Variants in TENM2 observed in about 807,000 individuals in gnomAD.
TENM2 encodes teneurin transmembrane protein 2.
TENM2 carries 52 observed loss-of-function variants against 245.2 expected under a neutral mutation model. The observed-to-expected ratio is 0.21, with a 90% CI of 0.17 to 0.27. The LOEUF (loss-of-function observed/expected upper bound fraction) is 0.27. Ranked by LOEUF, TENM2 falls within the 10% of genes least tolerant of loss-of-function variation. TENM2 has a pLI of 1.00. For missense variants in TENM2, 3,046 were observed against 3,666.8 expected (o/e 0.83, Z 4.37); for synonymous variants, 1,363 against 1,438.9 (o/e 0.95, Z 1.19).
At chr5:167,422,089 C>T (rs909246874) in intron 2 of TENM2, among the ~76,000 whole-genome samples, 6 of 152,050 alleles carry the variant, frequency 3.9e-5, no homozygotes, top group South Asian at 4.1e-4. Flanking sequence ...CATTCCCGGC[C>T]GGTAGTATTC....
At chr5:167,404,721 A>G (rs960282579) in intron 2 of TENM2, among the ~76,000 whole-genome samples, 5 of 152,150 alleles carry the variant, frequency 3.3e-5, no homozygotes, top group African/African-American at 1.2e-4. Flanking sequence ...CTGCTTCTTC[A>G]TGCCCTGCTC....
At chr5:167,330,848 G>A (rs1757418598) in intron 1 of TENM2, among the ~76,000 whole-genome samples, 2 of 152,108 alleles carry the variant, frequency 1.3e-5, no homozygotes, top group South Asian at 2.1e-4. Context: ...TGAGGACAGG[G>A]AGTACGTTTC....
chr5:167,572,549 C>T (rs1774341198), intron 2 of TENM2, among the ~76,000 whole-genome samples: 1 of 152,118 alleles, frequency 6.6e-6, no homozygotes, highest in Admixed American at 6.6e-5. Flanking sequence ...CTCTGCTTAC[C>T]ATGAAAGGTA....
chr5:167,172,130 C>A, the TENM2 span, among the ~76,000 whole-genome samples: 1 of 152,134 alleles, frequency 6.6e-6, no homozygotes, highest in East Asian at 1.9e-4. Context: ...AAGTGTTTCA[C>A]AACCAGTGTG....
chr5:168,031,589 G>A (rs1013015298), intron 5 of TENM2, among the ~76,000 whole-genome samples: 1 of 151,976 alleles, frequency 6.6e-6, no homozygotes, highest in Non-Finnish European at 1.5e-5. Context: ...AGGAAAATGA[G>A]GGTCTGGGAG....
intron 9 of TENM2, among the ~76,000 whole-genome samples, chr5:168,113,906 A>G (rs1282271283): frequency 6.6e-6 from 1 of 152,232 alleles, no homozygotes; most frequent in African/African-American, 2.4e-5. Context: ...ATGCGGAGAC[A>G]GAAAACGCTC....
the TENM2 span, among the ~76,000 whole-genome samples, chr5:167,165,974 C>A: frequency 6.6e-6 from 1 of 152,086 alleles, no homozygotes; most frequent in South Asian, 2.1e-4. Context: ...GCTGCAAAAT[C>A]CTGAAAAAGT....
intron 2 of TENM2, among the ~76,000 whole-genome samples, chr5:167,675,501 G>C (rs115331208): frequency 1.3e-5 from 2 of 152,040 alleles, no homozygotes; most frequent in Non-Finnish European, 2.9e-5. Flanking sequence ...CTATGTTCAC[G>C]TGTCACCAGG....
At chr5:167,926,682 AC>A (rs1350023452) in intron 3 of TENM2, among the ~76,000 whole-genome samples, 1 of 151,354 alleles carries the variant, frequency 6.6e-6, no homozygotes, top group Non-Finnish European at 1.5e-5. Flanking sequence ...GATCACTGCC[AC>A]TGCACTTCAG....
chr5:167,942,134 G>A (rs1257707969), intron 3 of TENM2, among the ~76,000 whole-genome samples: 2 of 152,004 alleles, frequency 1.3e-5, no homozygotes, highest in African/African-American at 2.4e-5. Flanking sequence ...CATGAACCTG[G>A]GAGGCAGAGG....
At chr5:167,545,004 C>T (rs1390577628) in intron 2 of TENM2, among the ~76,000 whole-genome samples, 1 of 152,088 alleles carries the variant, frequency 6.6e-6, no homozygotes, top group East Asian at 1.9e-4. Flanking sequence ...GGTTACTGCT[C>T]AGTGACCCTT....
At chr5:168,261,977 C>T (rs1333049486) in intron 28 of TENM2, 72 bp from the exon 31 acceptor site, 3 of 1,463,918 alleles carry the variant, frequency 2.0e-6, no homozygotes, top group East Asian at 4.5e-5. Flanking sequence ...CCAAGCCTTT[C>T]TCTTTGTGAC....
chr5:167,870,803 C>A (rs978544803), intron 2 of TENM2, among the ~76,000 whole-genome samples: 1 of 151,342 alleles, frequency 6.6e-6, no homozygotes, highest in Non-Finnish European at 1.5e-5. Flanking sequence ...GTTATCTGAG[C>A]ATGTCTCTTT....
At chr5:167,701,850 C>T (rs1173067836) in intron 2 of TENM2, among the ~76,000 whole-genome samples, 1 of 152,090 alleles carries the variant, frequency 6.6e-6, no homozygotes, top group Non-Finnish European at 1.5e-5. Context: ...TTCAGGTGAC[C>T]TTTCCTTATT....
intron 3 of TENM2, among the ~76,000 whole-genome samples, chr5:167,880,717 T>C (rs1773809404): frequency 6.6e-6 from 1 of 152,210 alleles, no homozygotes; most frequent in South Asian, 2.1e-4. Flanking sequence ...AAATAAGACA[T>C]AGAGCGCACT....
At chr5:167,279,910 G>A (rs536549694), upstream of TENM2, among the ~76,000 whole-genome samples, 20 of 152,248 alleles carry the variant, frequency 1.3e-4, no homozygotes, top group South Asian at 8.3e-4. Context: ...TATTGAATGC[G>A]TTTTTCCTTT....
chr5:167,188,181 A>C, the TENM2 span, among the ~76,000 whole-genome samples: 1 of 152,108 alleles, frequency 6.6e-6, no homozygotes, highest in East Asian at 1.9e-4. Flanking sequence ...AACCTACTAT[A>C]TGACACATAA....
chr5:167,866,998 C>T (rs542321498), intron 2 of TENM2, among the ~76,000 whole-genome samples: 1 of 152,348 alleles, frequency 6.6e-6, no homozygotes, highest in African/African-American at 2.4e-5. Context: ...TGCTGGACAG[C>T]GTCAATCTGG....
At chr5:168,142,949 A>C (rs1755686478) in intron 12 of TENM2, among the ~76,000 whole-genome samples, 1 of 152,218 alleles carries the variant, frequency 6.6e-6, no homozygotes, top group Non-Finnish European at 1.5e-5. Context: ...CATTTAAGAT[A>C]GAGAAAATGG....
Sources: gnomAD v4.1 joint callset for allele counts (sites outside exome capture counted in the v4.1 genomes callset) on GRCh38, gnomAD v4.1.1 for gene constraint, MANE v1.5 for transcripts, NCBI Gene and HGNC (gene_info 2026-07-23, HGNC 2026-07-21) for gene names.